Variants in ME1 observed in about 807,000 individuals in gnomAD.
ME1 encodes malic enzyme 1, also known as NADP-dependent malic enzyme.
In ME1, 74 loss-of-function variants were observed where a neutral mutation model predicts 66.4. The ratio of observed to expected loss-of-function variants is 1.11; its 90% CI spans 0.92 to 1.35. The LOEUF (loss-of-function observed/expected upper bound fraction) is 1.35. Ranked by LOEUF, ME1 falls within the 40% of genes most tolerant of loss-of-function variation. The probability of loss-of-function intolerance (pLI) is 0.00; values close to 1 mark genes in which losing one functional copy is unlikely to be tolerated. For synonymous variants in ME1, 251 were observed against 235.6 expected (o/e 1.07, Z -0.60); for missense variants, 750 against 694.1 (o/e 1.08, Z -0.90).
At chr6:83,342,848 A>G (rs924751781) in intron 5 of ME1, among the ~76,000 whole-genome samples, 7 of 151,934 alleles carry the variant, frequency 4.6e-5, no homozygotes, top group African/African-American at 4.8e-5. Context: ...CACCATGCCC[A>G]ACTAATTTTG....
At chr6:83,311,968 T>G (rs1767939021) in intron 6 of ME1, among the ~76,000 whole-genome samples, 1 of 152,056 alleles carries the variant, frequency 6.6e-6, no homozygotes, top group Non-Finnish European at 1.5e-5. Context: ...CAAAGTTGAG[T>G]GTAGCTGCCC....
intron 1 of ME1, among the ~76,000 whole-genome samples, chr6:83,415,928 C>T (rs1391850264): frequency 6.6e-6 from 1 of 152,086 alleles, no homozygotes; most frequent in Non-Finnish European, 1.5e-5. Context: ...GGCAGCTATT[C>T]AGTACATTTT....
At chr6:83,251,254 G>T (rs1222000923) in intron 7 of ME1, among the ~76,000 whole-genome samples, 1 of 152,094 alleles carries the variant, frequency 6.6e-6, no homozygotes, top group African/African-American at 2.4e-5. Flanking sequence ...CACCACTTTA[G>T]GAGGCTGAGG....
chr6:83,391,460 GTTTAT>G (rs903118722), intron 3 of ME1, among the ~76,000 whole-genome samples: 7 of 151,916 alleles, frequency 4.6e-5, no homozygotes, highest in African/African-American at 1.2e-4. Flanking sequence ...CTCTCACTGG[GTTTAT>G]TTTAATAGTC....
chr6:83,263,307 C>A (rs1477958332), intron 6 of ME1, among the ~76,000 whole-genome samples: 1 of 152,118 alleles, frequency 6.6e-6, no homozygotes, highest in African/African-American at 2.4e-5. Flanking sequence ...AACAACCCCA[C>A]AATAGCCTTT....
In ME1 at chr6:83,340,394, T is replaced by G. The variant is rs118080551; in HGVS notation, c.600+5779A>C. Among the ~76,000 whole-genome samples, 136 of 152,324 alleles carry G rather than the reference T, an allele frequency of 8.9e-4. 2 individuals are homozygous for G. In the East Asian group the frequency reaches 0.023, roughly 25 times the overall value. On this transcript the variant is annotated intron_variant, in intron 5 of 13. Transcript: ENST00000369705. Reference sequence around the variant, plus strand: ...ATTATGATGCAGCTAATGGTTTGAATAGATTTCAAACATTATTTCAACATT... The same window carrying G: ...ATTATGATGCAGCTAATGGTTTGAAGAGATTTCAAACATTATTTCAACATT...
intron 9 of ME1, among the ~76,000 whole-genome samples, chr6:83,234,500 T>C (rs1174536841): frequency 6.6e-6 from 1 of 152,166 alleles, no homozygotes; most frequent in Non-Finnish European, 1.5e-5. Flanking sequence ...TATTCCTTAC[T>C]AGACAGACCC....
intron 3 of ME1, among the ~76,000 whole-genome samples, chr6:83,376,678 C>G (rs1769297452): frequency 6.6e-6 from 1 of 151,070 alleles, no homozygotes; most frequent in Non-Finnish European, 1.5e-5. Context: ...TGGCGGACGC[C>G]TATAATCCCA....
intron 6 of ME1, among the ~76,000 whole-genome samples, chr6:83,294,963 C>T (rs1165067211): frequency 6.6e-6 from 1 of 152,086 alleles, no homozygotes; most frequent in Admixed American, 6.6e-5. Flanking sequence ...GGTGTGCAGC[C>T]CCGGAGTGCC....
intron 6 of ME1, among the ~76,000 whole-genome samples, chr6:83,286,479 A>G (rs1767398559): frequency 6.6e-6 from 1 of 152,172 alleles, no homozygotes; most frequent in African/African-American, 2.4e-5. Context: ...GAAGATTCAA[A>G]TCCATGATAA....
intron 3 of ME1, among the ~76,000 whole-genome samples, chr6:83,359,824 G>A (rs1768974080): frequency 6.6e-6 from 1 of 152,200 alleles, no homozygotes; most frequent in East Asian, 1.9e-4. Flanking sequence ...CTGCATGTCA[G>A]ATGTAACATG....
At chr6:83,340,773 G>A (rs1768564605) in intron 5 of ME1, among the ~76,000 whole-genome samples, 1 of 151,924 alleles carries the variant, frequency 6.6e-6, no homozygotes, top group Non-Finnish European at 1.5e-5. Context: ...CTCTGGGACA[G>A]TTTATATAGC....
Position 83,398,448 on chromosome 6 carries a change from A to G in ME1, c.281T>C (p.Ile94Thr). 1 of 1,591,830 alleles carries G rather than the reference A, an allele frequency of 6.3e-7. No individual in the cohort carries two copies. The highest frequency in any genetic ancestry group is 8.6e-7 in the Non-Finnish European group (1 of 1,163,604). ...ATAAACAATAGGCATGAATTTCTCA[A>G]TGTCAGATGTCAGCACTCTATAAAA... ...KLFYRVLTSD[I>T]EKFMPIVYTP... The change falls in exon 3 of 14, where the codon ATT (isoleucine) becomes ACT (threonine). Residue 94 changes from isoleucine (I) to threonine (T), a missense_variant. Transcript: ENST00000369705.
chr6:83,296,720 T>A (rs1488708620), intron 6 of ME1, among the ~76,000 whole-genome samples: 1 of 152,136 alleles, frequency 6.6e-6, no homozygotes, highest in African/African-American at 2.4e-5. Context: ...AGAAAGGAAG[T>A]CAGACTGTCC....
At chr6:83,322,255 G>T (rs1321729022) in intron 5 of ME1, among the ~76,000 whole-genome samples, 1 of 152,078 alleles carries the variant, frequency 6.6e-6, no homozygotes, top group East Asian at 1.9e-4. Flanking sequence ...CTCCTCCAAA[G>T]GATCACAACT....
chr6:83,242,297 AGTC>A (rs1790524390), intron 7 of ME1, among the ~76,000 whole-genome samples: 1 of 152,236 alleles, frequency 6.6e-6, no homozygotes, highest in African/African-American at 2.4e-5. Context: ...GTTAAATAAA[AGTC>A]TCACCTTTTA....
chr6:83,310,205 A>G (rs1477214609), intron 6 of ME1, among the ~76,000 whole-genome samples: 4 of 152,134 alleles, frequency 2.6e-5, no homozygotes, highest in Admixed American at 1.3e-4. Context: ...ACCACGACCT[A>G]TGCTCTTTCC....
chr6:83,356,848 A>G (rs1249693396), intron 3 of ME1, among the ~76,000 whole-genome samples: 2 of 152,178 alleles, frequency 1.3e-5, no homozygotes, highest in African/African-American at 4.8e-5. Context: ...TCTCCTACAT[A>G]ATCTTAACCA....
intron 3 of ME1, chr6:83,393,199 C>A: frequency 8.3e-7 from 1 of 1,200,772 alleles, no homozygotes; most frequent in Non-Finnish European, 1.2e-6. Context: ...AAGCAGGCGT[C>A]AGAGGACCCC....
Sources: gnomAD v4.1 joint callset for allele counts (sites outside exome capture counted in the v4.1 genomes callset) on GRCh38, gnomAD v4.1.1 for gene constraint, MANE v1.5 for transcripts, NCBI Gene and HGNC (gene_info 2026-07-23, HGNC 2026-07-21) for gene names.